Variants in PITPNM1 observed in about 807,000 individuals in gnomAD.
PITPNM1 encodes phosphatidylinositol transfer protein membrane associated 1, also known as membrane-associated phosphatidylinositol transfer protein 1.
Under a neutral mutation model 133.3 loss-of-function variants are expected in PITPNM1, and 74 were observed. The observed-to-expected ratio is 0.56, with a 90% confidence interval of 0.46 to 0.67. PITPNM1 has a LOEUF of 0.67. Ranked by LOEUF, PITPNM1 falls within the 30% of genes least tolerant of loss-of-function variation. The pLI, the probability that PITPNM1 is intolerant of heterozygous loss-of-function variation, is 0.00. For missense variants in PITPNM1, 1,398 were observed against 1,739.5 expected, an observed-to-expected ratio of 0.80 and a Z score of 3.49; for synonymous variants, 738 against 741.4, an observed-to-expected ratio of 1.00 and a Z score of 0.08.
At chr11:67,492,541 A>ATTTTCT (rs1865966313) in intron 23 of PITPNM1, among the ~76,000 whole-genome samples, 1 of 152,236 alleles carries the variant, frequency 6.6e-6, no homozygotes, top group African/African-American at 2.4e-5. Flanking sequence ...CTTAGAGGAA[A>ATTTTCT]AATAACAGCA....
In PITPNM1 at chr11:67,493,612, G is replaced by T; in HGVS notation, c.3159-19C>A. 2 of 1,545,052 alleles carry T rather than the reference G, an allele frequency of 1.3e-6. No homozygotes were observed. Among genetic ancestry groups the T allele is most frequent in the Non-Finnish European group, 1.7e-6 (2 of 1,144,844 alleles). On this transcript the variant is annotated intron_variant, in intron 21 of 23. Coordinates refer to ENST00000356404, the MANE Select transcript of PITPNM1 (RefSeq NM_004910.3). ...CCAGTGCCTGTGGGGCGGGGGCAGCGGTCAGCTCCGCTGGCCAGGGGTGAG... is the reference window on the plus strand; with the variant it reads ...CCAGTGCCTGTGGGGCGGGGGCAGCTGTCAGCTCCGCTGGCCAGGGGTGAG...
intron 15 of PITPNM1, 29 bp from the exon 16 acceptor site, chr11:67,495,631 G>C: frequency 6.5e-7 from 1 of 1,528,736 alleles, no homozygotes; most frequent in Non-Finnish European, 8.7e-7. Flanking sequence ...GGTCAGCAGG[G>C]GCCGGCCAGG....
Position 67,500,436 on chromosome 11 carries a change from G to T in PITPNM1, c.641-15C>A. 6.3e-7 allele frequency: 1 copy of T among 1,598,798 alleles called. No individual in the cohort carries two copies. The highest frequency in any genetic ancestry group is 8.5e-7 in the Non-Finnish European group (1 of 1,174,302). On this transcript the variant is annotated splice_polypyrimidine_tract_variant and intron_variant, in intron 5 of 23. Transcript: ENST00000356404. The stretch of plus-strand genomic sequence containing the variant: ...CCGACGCAGACCTGCAGGTGCCCAG[G>T]CGTCAGAACTGCCCCCTCCCCCTGC...
At chr11:67,495,354 G>A in intron 16 of PITPNM1, 84 bp downstream of exon 16, 1 of 1,459,328 alleles carries the variant, frequency 6.9e-7, no homozygotes. Flanking sequence ...TGTGCTGGGG[G>A]AAAGGGTTTC....
Position 67,500,218 on chromosome 11 carries a change from C to G in PITPNM1, c.844G>C (p.Ala282Pro). The change falls in exon 6 of 24, where the codon GCC becomes CCC. Residue 282 changes from alanine (A) to proline (P), a missense_variant. Coordinates refer to ENST00000356404, the MANE Select transcript of PITPNM1 (RefSeq NM_004910.3). ...CCATCGGGGGTGCCAGTGTTGCTGG[C>G]CGCAGACCGGGCCTCGGTGCTCGGT... is the stretch of plus-strand genomic sequence containing the variant. ...GKPSTEARSA[A>P]SNTGTPDGPE... 6.2e-7 allele frequency: 1 copy of G among 1,603,986 alleles called. No individual in the cohort carries two copies. The highest frequency in any genetic ancestry group is 1.7e-5 in the Admixed American group (1 of 59,962).
At position 67,491,991 on chromosome 11, in the gene PITPNM1, G is replaced by A. The variant is rs1454513360; in HGVS notation, c.*42C>T. ...CCACACGCAGCCCCTCGGGCCCCTT[G>A]GGTGTGTCAATAAATAACCCAGGTC... On this transcript the variant is annotated 3_prime_UTR_variant, in exon 24 of 24. Coordinates refer to ENST00000356404, the MANE Select transcript of PITPNM1 (RefSeq NM_004910.3). 3 of 1,594,630 alleles carry A rather than the reference G, an allele frequency of 1.9e-6. No homozygotes were observed. The highest frequency in any genetic ancestry group is 1.3e-5 in the African/African-American group (1 of 74,542).
chr11:67,493,086 C>A (rs753176990), intron 22 of PITPNM1, 24 bp from the exon 23 acceptor site: 1 of 1,612,368 alleles, frequency 6.2e-7, no homozygotes, highest in Admixed American at 1.7e-5. Context: ...TGCCAATCAG[C>A]CGCCCCAGGG....
intron 5 of PITPNM1, 50 bp from the exon 6 acceptor site, chr11:67,500,471 A>C (rs1182541134): frequency 6.5e-7 from 1 of 1,540,662 alleles, no homozygotes; most frequent in East Asian, 2.3e-5. Context: ...CTTCCCTGCC[A>C]CCGCAGCTAC....
At position 67,505,222 on chromosome 11, in the gene PITPNM1, G is replaced by C. The variant is rs1358711000; in HGVS notation, c.-76C>G. 2.6e-5 allele frequency: 4 copies of C among 152,006 alleles called. No homozygotes were observed. Among genetic ancestry groups the C allele is most frequent in the African/African-American group, 9.7e-5 (4 of 41,402 alleles). 9.4% of individuals were successfully genotyped at this position (152,006 alleles called of 1,614,324 possible). ...GAGGCGGGCGCCCCTCACCCAGCCCGGGCAGGGCCGGCCGGCCCGTGGGTC... is the reference window on the plus strand; with the variant it reads ...GAGGCGGGCGCCCCTCACCCAGCCCCGGCAGGGCCGGCCGGCCCGTGGGTC... On this transcript the variant is annotated 5_prime_UTR_variant, in exon 1 of 24. Coordinates refer to ENST00000356404, the MANE Select transcript of PITPNM1 (RefSeq NM_004910.3). This position sits in a 1 kb window ranked among gnomAD's most constrained non-coding sequence, Gnocchi z 5.8.
rs1866359282 is a variant in PITPNM1 at position 67,502,422 on chromosome 11, AAGGCACGGGTG to A, written c.294-20_294-10del. On this transcript the variant is annotated splice_polypyrimidine_tract_variant and intron_variant, in intron 3 of 23. Transcript: ENST00000356404. The surrounding 1 kb of genome is among the most constrained non-coding windows in gnomAD (Gnocchi z 5.9). ...CGAAAGGGCAGGTGTACCTGGGCAG[AAGGCACGGGTG>A]AGGCTCACTGCTGTACCCACCAGGG... 6.2e-7 allele frequency: 1 copy of A among 1,613,752 alleles called. No homozygotes were observed.
rs1866446140 is a variant in PITPNM1 at position 67,504,801 on chromosome 11, G to C, written c.-42+387C>G. On this transcript the variant is annotated intron_variant, in intron 1 of 23. Transcript: ENST00000356404. The surrounding 1 kb of genome is among the most constrained non-coding windows in gnomAD (Gnocchi z 5.4). ...CCCTGCACCCGAACCTACCTTCCGG[G>C]ACCGGTAATCTCCTCCGCCCTCCAG... The C allele has an allele frequency of 6.5e-6, 1 of 152,800 alleles. No homozygotes were observed. The highest frequency in any genetic ancestry group is 2.4e-5 in the African/African-American group (1 of 41,442). The allele number at this position is 152,800 out of a possible 1,614,324, so 9.5% of individuals were successfully genotyped here. A position where few individuals can be genotyped will look rare whatever the true frequency, so the allele number is the denominator to read the frequency against.
chr11:67,497,572 C>T lies in PITPNM1; in HGVS notation c.1890G>A (p.Gln630=), dbSNP rs2134296355. 6.2e-7 allele frequency: 1 copy of T among 1,608,822 alleles called. No homozygotes were observed. The highest frequency in any genetic ancestry group is 2.2e-5 in the East Asian group (1 of 44,874). The change falls in exon 13 of 24, where the codon CAG becomes CAA. Residue 630 remains glutamine, a synonymous_variant. Coordinates refer to ENST00000356404, the MANE Select transcript of PITPNM1 (RefSeq NM_004910.3). ...GSPEPSALPP[Q]RIPSDMASPE... is the part of the protein sequence containing the mutation. The stretch of plus-strand genomic sequence containing the variant: ...GACTGGCCATGTCGCTGGGGATGCG[C>T]TGGGGAGGCAAGGCCGAGGGTTCTG...
In PITPNM1 at chr11:67,502,315, G is replaced by T. The variant is rs972748198; in HGVS notation, c.392C>A (p.Ala131Asp). Residue 131 changes from alanine (A) to aspartate (D), a missense_variant, in exon 4 of 24, where the codon GCC (alanine) becomes GAC (aspartate). Physicochemically the swap from Ala to Asp is moderately radical, Grantham distance 126 (BLOSUM62 -2). Coordinates refer to ENST00000356404, the MANE Select transcript of PITPNM1 (RefSeq NM_004910.3). This position sits in a 1 kb window ranked among gnomAD's most constrained non-coding sequence, Gnocchi z 5.9. ...ACCCAGGATGCGCTGTCTCCTCTCG[G>T]CCCCGCTCAGGTTGAAGACGTTTGG... is the stretch of plus-strand genomic sequence containing the variant. ...QQPNVFNLSG[A>D]ERRQRILDTI... 6.2e-7 allele frequency: 1 copy of T among 1,613,414 alleles called. No homozygotes were observed.
Position 67,501,744 on chromosome 11 carries a change from C to T in PITPNM1, c.640+118G>A, listed in dbSNP as rs1565195787. 15 of 909,638 alleles carry T rather than the reference C, an allele frequency of 1.6e-5. No homozygotes were observed. The East Asian group carries it at 4.0e-4, about 24-fold the overall frequency. The allele number at this position is 909,638 out of a possible 1,614,324, so 56.3% of individuals were successfully genotyped here. ...GCTTCTGCCCTAGTGCTCCCCACCT[C>T]AAATGGAAACGATGGCTTTCTGCTT... On this transcript the variant is annotated intron_variant, in intron 5 of 23. Coordinates refer to ENST00000356404, the MANE Select transcript of PITPNM1 (RefSeq NM_004910.3).
rs768518909 is a variant in PITPNM1 at position 67,502,366 on chromosome 11, T to C, written c.341A>G (p.Tyr114Cys). ...VEKFSIEIET[Y>C]YLPDGGQQPN... ...CTGCTGCCCCCCATCAGGCAGGTAA[T>C]AGGTCTCAATTTCAATGGAGAATTT... The change falls in exon 4 of 24, where the codon TAT (tyrosine) becomes TGT (cysteine). Residue 114 changes from tyrosine (Y) to cysteine (C), a missense_variant. Tyr to Cys is a radical substitution (Grantham distance 194). This residue lies in a region of PITPNM1 where 274 missense variants were observed against 360.7 expected (regional missense o/e 0.76). Transcript: ENST00000356404. The surrounding 1 kb of genome is among the most constrained non-coding windows in gnomAD (Gnocchi z 5.9). 31 of 1,613,798 alleles carry C rather than the reference T, an allele frequency of 1.9e-5. No homozygotes were observed. The highest frequency in any genetic ancestry group is 2.6e-5 in the Non-Finnish European group (31 of 1,179,996).
In PITPNM1 at chr11:67,502,855, C is replaced by T. The variant is rs1274946078; in HGVS notation, c.79-137G>A. On this transcript the variant is annotated intron_variant, in intron 2 of 23. Transcript: ENST00000356404. The surrounding 1 kb of genome is among the most constrained non-coding windows in gnomAD (Gnocchi z 5.9). ...AACTCCCTGAAACCAGACCCCGCCC[C>T]ACCAAAGCTCCCTGGGATCAGAATC... The T allele has an allele frequency of 5.1e-6, 4 of 779,900 alleles. No individual in the cohort carries two copies. The East Asian group carries it at 1.1e-4, about 21-fold the overall frequency. The allele number at this position is 779,900 out of a possible 1,614,324, so 48.3% of individuals were successfully genotyped here.
At chr11:67,500,485 C>T in intron 5 of PITPNM1, 64 bp from the exon 6 acceptor site, 2 of 1,509,176 alleles carry the variant, frequency 1.3e-6, no homozygotes, top group Middle Eastern at 1.8e-4. Context: ...CAGCTACATG[C>T]CCAGCCTTGA....
In PITPNM1 at chr11:67,497,624, C is replaced by A. The variant is rs778303360; in HGVS notation, c.1838G>T (p.Gly613Val). Residue 613 changes from glycine (G) to valine (V), a missense_variant, in exon 13 of 24, where the codon GGT becomes GTT. Transcript: ENST00000356404. ...FGPVRDPLAD[G>V]VEGLGRGSPE... is the part of the protein sequence containing the mutation. ...GCTGCCCCGACCCAGGCCTTCCACA[C>A]CATCTGCCAGGGGGTCCCGCACTGG... 6 of 1,608,212 alleles carry A rather than the reference C, an allele frequency of 3.7e-6. No homozygotes were observed. The highest frequency in any genetic ancestry group is 5.1e-6 in the Non-Finnish European group (6 of 1,178,564).
chr11:67,497,737 T>G, intron 12 of PITPNM1, 58 bp from the exon 13 acceptor site: 1 of 1,588,610 alleles, frequency 6.3e-7, no homozygotes, highest in East Asian at 2.2e-5. Flanking sequence ...GAATTCTACT[T>G]ACTTAGAAGT....
Sources: gnomAD v4.1 joint callset for allele counts (sites outside exome capture counted in the v4.1 genomes callset) on GRCh38, gnomAD v4.1.1 for gene constraint, gnomAD v4.1.1 regional missense constraint, Gnocchi (gnomAD v3.1) non-coding constraint, MANE v1.5 for transcripts, NCBI Gene and HGNC (gene_info 2026-07-23, HGNC 2026-07-21) for gene names.